The following CCDC91 variants were observed in gnomAD, a reference collection of about 807,000 sequenced individuals.
CCDC91 encodes coiled-coil domain-containing protein 91.
A neutral mutation model predicts 63.2 loss-of-function variants in CCDC91; 48 were observed. The ratio of observed to expected loss-of-function variants is 0.76; its 90% confidence interval spans 0.60 to 0.97. CCDC91 has a LOEUF of 0.97. Ranked by LOEUF, CCDC91 falls within the 50% of genes least tolerant of loss-of-function variation. The probability of loss-of-function intolerance (pLI) is 0.00; values close to 1 mark genes in which losing one functional copy is unlikely to be tolerated. For synonymous variants in CCDC91, 167 were observed against 165.8 expected (o/e 1.01, Z -0.06); for missense variants, 500 against 494.6 (o/e 1.01, Z -0.10).
intron 3 of CCDC91, chr12:28,268,831 G>A (rs974215126): frequency 1.2e-5 from 2 of 170,506 alleles, no homozygotes; most frequent in Admixed American, 1.3e-4. Flanking sequence ...CAAGTGTCTG[G>A]TATGGAGGTC....
chr12:28,241,634 A>G (rs995082149), intron 1 of CCDC91, among the ~76,000 whole-genome samples: 2 of 152,136 alleles, frequency 1.3e-5, no homozygotes, highest in Non-Finnish European at 2.9e-5. Context: ...ATTCTTGTGC[A>G]AGACTTTTGG....
chr12:28,316,384 A>G (rs1294522261), intron 6 of CCDC91, among the ~76,000 whole-genome samples: 3 of 151,540 alleles, frequency 2.0e-5, no homozygotes, highest in East Asian at 3.9e-4. Context: ...TTATTCTGTC[A>G]TAATTCTTTT....
At chr12:28,371,065 T>C (rs934049812) in intron 7 of CCDC91, among the ~76,000 whole-genome samples, 3 of 151,860 alleles carry the variant, frequency 2.0e-5, no homozygotes, top group Admixed American at 2.0e-4. Flanking sequence ...TTTTTATCTC[T>C]AGTAAGATTT....
At chr12:28,368,452 G>C (rs1322933705) in intron 7 of CCDC91, among the ~76,000 whole-genome samples, 1 of 152,188 alleles carries the variant, frequency 6.6e-6, no homozygotes, top group Non-Finnish European at 1.5e-5. Context: ...CCATACTCCA[G>C]ATATCTATGG....
At chr12:28,412,780 G>A (rs1029908528) in intron 8 of CCDC91, 5 of 453,426 alleles carry the variant, frequency 1.1e-5, no homozygotes, top group African/African-American at 2.0e-5. Context: ...TCCTTCCTGC[G>A]ATTGGCTGCT....
chr12:28,386,948 T>C (rs773288736), intron 7 of CCDC91, among the ~76,000 whole-genome samples: 8 of 152,184 alleles, frequency 5.3e-5, no homozygotes, highest in Non-Finnish European at 1.0e-4. Flanking sequence ...TATATCTTTT[T>C]TTAATGTTGT....
At chr12:28,401,192 A>G (rs1484815042) in intron 8 of CCDC91, among the ~76,000 whole-genome samples, 1 of 152,160 alleles carries the variant, frequency 6.6e-6, no homozygotes, top group African/African-American at 2.4e-5. Context: ...TTTATAAAGG[A>G]AAGAGGTTTA....
At chr12:28,419,529 G>C (rs567937591) in intron 8 of CCDC91, among the ~76,000 whole-genome samples, 2 of 152,222 alleles carry the variant, frequency 1.3e-5, no homozygotes, top group African/African-American at 4.8e-5. Context: ...AGATGTAGCA[G>C]TATTAGCAAA....
chr12:28,532,638 A>G (rs1466694540), intron 12 of CCDC91, among the ~76,000 whole-genome samples: 2 of 152,068 alleles, frequency 1.3e-5, no homozygotes, highest in African/African-American at 2.4e-5. Context: ...TACATAGGTT[A>G]TATCAGAAAG....
At chr12:28,418,638 A>T (rs1947821163) in intron 8 of CCDC91, among the ~76,000 whole-genome samples, 1 of 152,130 alleles carries the variant, frequency 6.6e-6, no homozygotes, top group Non-Finnish European at 1.5e-5. Context: ...TGGCAGATTA[A>T]TACTGTAAAA....
intron 3 of CCDC91, among the ~76,000 whole-genome samples, chr12:28,298,510 G>A (rs1206080030): frequency 6.6e-6 from 1 of 151,078 alleles, no homozygotes; most frequent in South Asian, 2.1e-4. Flanking sequence ...CAATTAGGTA[G>A]GATATTGAAA....
intron 6 of CCDC91, among the ~76,000 whole-genome samples, chr12:28,331,943 G>A (rs1416942536): frequency 1.3e-5 from 2 of 152,138 alleles, no homozygotes; most frequent in Non-Finnish European, 2.9e-5. Flanking sequence ...ACATTTTTAA[G>A]GGTGGAGTTT....
chr12:28,340,008 A>G (rs1435189778), intron 6 of CCDC91, among the ~76,000 whole-genome samples: 2 of 152,188 alleles, frequency 1.3e-5, no homozygotes, highest in African/African-American at 2.4e-5. Flanking sequence ...TATATTTTGT[A>G]TATAGTACCA....
chr12:28,307,683 A>T lies in CCDC91; in HGVS notation c.510A>T (p.Glu170Asp), dbSNP rs775474089. Residue 170 changes from glutamate to aspartate, a missense_variant, in exon 6 of 13, where the codon GAA becomes GAT. Glu to Asp is a conservative substitution (Grantham distance 45). Coordinates refer to ENST00000536442, the MANE Select transcript of CCDC91 (RefSeq NM_018318.5). Reference sequence around the variant, plus strand: ...TGATGGAAAAGCATAATGTCTTAGAAAAAGGCTTTCTAAAAGAAAAAGAGC... The same window carrying T: ...TGATGGAAAAGCATAATGTCTTAGATAAAGGCTTTCTAAAAGAAAAAGAGC... The part of the protein sequence containing the change: ...ESLMEKHNVL[E>D]KGFLKEKEQE... 1.9e-6 allele frequency: 3 copies of T among 1,589,622 alleles called. No homozygotes were observed. In the South Asian group the frequency reaches 3.5e-5, roughly 18 times the overall value.
intron 8 of CCDC91, among the ~76,000 whole-genome samples, chr12:28,444,202 C>T (rs1051951783): frequency 6.6e-6 from 1 of 152,032 alleles, no homozygotes; most frequent in African/African-American, 2.4e-5. Context: ...TGTTATGAAA[C>T]CTATTGAGGT....
rs1214259002 is a variant in CCDC91, at chr12:28,348,066, C to T, written c.577-14372C>T. Among the ~76,000 whole-genome samples the T allele has an allele frequency of 7.9e-5, 12 of 152,234 alleles. No individual in the cohort carries two copies. In the East Asian group the frequency reaches 1.2e-3, roughly 15 times the overall value. The stretch of plus-strand genomic sequence containing the variant: ...TATTACATTACTCTAAGGAGGCCAT[C>T]TCTCTGTCCATTGTTGGACATTATG... On this transcript the variant is annotated intron_variant, in intron 6 of 12. Transcript: ENST00000536442.
intron 6 of CCDC91, among the ~76,000 whole-genome samples, chr12:28,326,855 G>A (rs1941056936): frequency 6.6e-6 from 1 of 151,970 alleles, no homozygotes; most frequent in South Asian, 2.1e-4. Context: ...GTGCCATAAA[G>A]CCAGTACACA....
chr12:28,199,515 C>T (rs901885931), intron 1 of CCDC91, among the ~76,000 whole-genome samples: 1 of 152,130 alleles, frequency 6.6e-6, no homozygotes, highest in Non-Finnish European at 1.5e-5. Context: ...TTTATATTTA[C>T]CTATGTAGTT....
At chr12:28,546,719 A>G (rs1943014664) in intron 12 of CCDC91, among the ~76,000 whole-genome samples, 2 of 152,084 alleles carry the variant, frequency 1.3e-5, no homozygotes, top group Admixed American at 1.3e-4. Flanking sequence ...TAACTATAAA[A>G]TGAAAACTAT....
Sources: gnomAD v4.1 joint callset for allele counts (sites outside exome capture counted in the v4.1 genomes callset) on GRCh38, gnomAD v4.1.1 for gene constraint, MANE v1.5 for transcripts, NCBI Gene and HGNC (gene_info 2026-07-23, HGNC 2026-07-21) for gene names.